Variants in PLCB4 observed in about 807,000 individuals in gnomAD.
The protein encoded by PLCB4 is phospholipase C beta 4.
A neutral mutation model predicts 178.8 loss-of-function variants in PLCB4; 77 were observed. The ratio of observed to expected loss-of-function variants is 0.43; its 90% CI spans 0.36 to 0.52. PLCB4 has a LOEUF of 0.52. PLCB4 is among the 20% of genes least tolerant of loss of function. The pLI is 0.00. For missense variants in PLCB4, 1,024 were observed against 1,453.4 expected (o/e 0.70, Z 4.80); for synonymous variants, 496 against 490.8 (o/e 1.01, Z -0.14).
chr20:9,306,345 G>A (rs940436232), intron 3 of PLCB4, among the ~76,000 whole-genome samples: 3 of 152,030 alleles, frequency 2.0e-5, no homozygotes, highest in African/African-American at 7.2e-5. Flanking sequence ...GACCTCAGGT[G>A]ATCCACCCCC....
At chr20:9,269,368 A>G (rs1259512996) in intron 3 of PLCB4, among the ~76,000 whole-genome samples, 1 of 152,192 alleles carries the variant, frequency 6.6e-6, no homozygotes, top group African/African-American at 2.4e-5. Context: ...AACAAGCTCA[A>G]TTCTGAGATT....
chr20:9,114,717 C>T (rs772874856), intron 2 of PLCB4, among the ~76,000 whole-genome samples: 5 of 152,126 alleles, frequency 3.3e-5, no homozygotes, highest in Non-Finnish European at 4.4e-5. Flanking sequence ...AGCACTCTTC[C>T]CCCAACCCCA....
intron 19 of PLCB4, among the ~76,000 whole-genome samples, chr20:9,397,352 A>T (rs1366067533): frequency 6.6e-6 from 1 of 152,160 alleles, no homozygotes; most frequent in Non-Finnish European, 1.5e-5. Flanking sequence ...CTCTGCAGTG[A>T]CTTCCTCCAC....
chr20:9,472,398 T>C (rs770941486), intron 36 of PLCB4, among the ~76,000 whole-genome samples: 26 of 152,330 alleles, frequency 1.7e-4, no homozygotes, highest in Non-Finnish European at 3.5e-4. Flanking sequence ...TGGGCACATC[T>C]GTATGTGGTT....
rs911924309 is a variant in PLCB4 at position 9,301,154 on chromosome 20, A to G, written c.-15-6646A>G. On this transcript the variant is annotated intron_variant, in intron 3 of 39. Coordinates refer to ENST00000378473, the MANE Select transcript of PLCB4 (RefSeq NM_001377142.1). ...AGGACATTTAGGGCCCACCTGGATG[A>G]TCCAGAATAATCTCCCCATCTCAAG... Among the ~76,000 whole-genome samples, 3 of 151,706 alleles carry G rather than the reference A, an allele frequency of 2.0e-5. No individual in the cohort carries two copies. The East Asian group carries it at 5.9e-4, about 30-fold the overall frequency.
At chr20:9,431,633 T>G (rs2041406460) in intron 28 of PLCB4, among the ~76,000 whole-genome samples, 1 of 142,568 alleles carries the variant, frequency 7.0e-6, no homozygotes. Flanking sequence ...ACGGGGCCAA[T>G]TTGTGTGTGT....
intron 2 of PLCB4, among the ~76,000 whole-genome samples, chr20:9,148,324 A>G (rs369910739): frequency 1.3e-5 from 2 of 152,234 alleles, no homozygotes; most frequent in South Asian, 2.1e-4. Context: ...CAATCTTTAT[A>G]TAGGAACAAA....
intron 3 of PLCB4, among the ~76,000 whole-genome samples, chr20:9,273,643 G>C (rs1054444997): frequency 6.6e-6 from 1 of 150,824 alleles, no homozygotes; most frequent in Non-Finnish European, 1.5e-5. Flanking sequence ...TGTTCTGTTC[G>C]GATGATAATA....
chr20:9,291,931 T>C (rs1029916179), intron 3 of PLCB4, among the ~76,000 whole-genome samples: 2 of 152,210 alleles, frequency 1.3e-5, no homozygotes, highest in Admixed American at 1.3e-4. Flanking sequence ...ATCCTCTTCT[T>C]ATGACTCCTG....
intron 36 of PLCB4, among the ~76,000 whole-genome samples, chr20:9,471,522 G>T (rs978115416): frequency 6.6e-6 from 1 of 152,070 alleles, no homozygotes; most frequent in South Asian, 2.1e-4. Context: ...AATTTGAAAC[G>T]TTAGATGGAG....
At chr20:9,421,572 T>C (rs1192689502) in intron 27 of PLCB4, 111 bp downstream of exon 27, 1 of 833,450 alleles carries the variant, frequency 1.2e-6, no homozygotes, top group South Asian at 1.7e-5. Flanking sequence ...CATCTTCTTT[T>C]TCTCTTCTCC....
chr20:9,359,896 T>C (rs1038711822), intron 7 of PLCB4, among the ~76,000 whole-genome samples: 3 of 152,188 alleles, frequency 2.0e-5, no homozygotes, highest in Non-Finnish European at 4.4e-5. Flanking sequence ...TGACACCTGC[T>C]GGCATTTCAT....
At chr20:9,441,311 T>G (rs1382225284) in intron 30 of PLCB4, among the ~76,000 whole-genome samples, 1 of 152,156 alleles carries the variant, frequency 6.6e-6, no homozygotes, top group Non-Finnish European at 1.5e-5. Flanking sequence ...TAGGTGTTCT[T>G]CCCACGCCTC....
At chr20:9,273,203 G>A (rs1380176886) in intron 3 of PLCB4, among the ~76,000 whole-genome samples, 1 of 152,092 alleles carries the variant, frequency 6.6e-6, no homozygotes, top group African/African-American at 2.4e-5. Flanking sequence ...TGTGAGAATA[G>A]AATGATGTCA....
chr20:9,409,333 T>TAA (rs57434661), intron 24 of PLCB4, 152 bp downstream of exon 24: 10,530 of 380,890 alleles, frequency 0.028, 97 homozygotes, highest in African/African-American at 0.047. Flanking sequence ...TGGTGAGAAA[T>TAA]AAAAAAAAAA....
chr20:9,281,024 C>T (rs1601592214), intron 3 of PLCB4, among the ~76,000 whole-genome samples: 2 of 151,540 alleles, frequency 1.3e-5, no homozygotes, highest in Non-Finnish European at 2.9e-5. Context: ...AATTAGTTTC[C>T]CATATTAAAT....
rs1261829991 is a variant in PLCB4 at position 9,352,082 on chromosome 20, T to TA, written c.370-10810dup. ...GATGCTTTTGGTTTTCTCAACATTT[T>TA]AAAATCCCTCCATTCTTCTAGAGCT... On this transcript the variant is annotated intron_variant, in intron 7 of 39. Coordinates refer to ENST00000378473, the MANE Select transcript of PLCB4 (RefSeq NM_001377142.1). Among the ~76,000 whole-genome samples the TA allele has an allele frequency of 8.5e-5, 13 of 152,340 alleles. No homozygotes were observed. In the East Asian group the frequency reaches 2.5e-3, roughly 29 times the overall value.
In PLCB4 at chr20:9,368,508, A is replaced by C. The variant is rs575114564; in HGVS notation, c.504-2706A>C. Among the ~76,000 whole-genome samples, 266 of 152,340 alleles carry C rather than the reference A, an allele frequency of 1.7e-3. 1 individual carries two copies. Among genetic ancestry groups the C allele is most frequent in the Non-Finnish European group, 3.3e-3 (223 of 68,032 alleles). ...GCAGGGGCTGGAAGAGATCCCAAAC[A>C]AAACGGCTGTGTTAAAGAAGGCTGA... On this transcript the variant is annotated intron_variant, in intron 9 of 39. Coordinates refer to ENST00000378473, the MANE Select transcript of PLCB4 (RefSeq NM_001377142.1).
At chr20:9,279,968 C>A (rs1481193572) in intron 3 of PLCB4, among the ~76,000 whole-genome samples, 1 of 152,082 alleles carries the variant, frequency 6.6e-6, no homozygotes, top group African/African-American at 2.4e-5. Flanking sequence ...CTTTACCCCA[C>A]CCTATTGCTG....
Sources: allele counts gnomAD v4.1 joint callset (sites outside exome capture counted in the v4.1 genomes callset), GRCh38; gene constraint gnomAD v4.1.1; transcripts MANE v1.5; gene names NCBI Gene and HGNC (gene_info 2026-07-23, HGNC 2026-07-21).